Variants in SLCO3A1 observed in about 807,000 individuals in gnomAD.
SLCO3A1 encodes the protein solute carrier organic anion transporter family member 3A1, also known as PGE1 transporter.
In SLCO3A1, 27 loss-of-function variants were observed where a neutral mutation model predicts 63.1. The observed-to-expected ratio is 0.43, with a 90% CI of 0.32 to 0.59. SLCO3A1 has a LOEUF of 0.59. Among genes scored for constraint, SLCO3A1 ranks in the 20% least tolerant of loss-of-function variants. SLCO3A1 has a pLI of 0.09. For missense variants in SLCO3A1, 773 were observed against 945.8 expected (o/e 0.82, Z 2.40); for synonymous variants, 473 against 409.9 (o/e 1.15, Z -1.86).
At chr15:92,077,983 A>G (rs137865830) in intron 2 of SLCO3A1, among the ~76,000 whole-genome samples, 1 of 152,024 alleles carries the variant, frequency 6.6e-6, no homozygotes, top group African/African-American at 2.4e-5. Context: ...TTATAAACTG[A>G]TGGTGAAGAC....
At chr15:92,002,308 G>A (rs1395297406) in intron 2 of SLCO3A1, among the ~76,000 whole-genome samples, 1 of 152,102 alleles carries the variant, frequency 6.6e-6, no homozygotes, top group Non-Finnish European at 1.5e-5. Context: ...ACAGTCCTTG[G>A]CCTGAGAGAG....
chr15:91,916,478 T>C lies in SLCO3A1; in HGVS notation c.646+20T>C. 1.9e-6 allele frequency: 3 copies of C among 1,549,432 alleles called. No individual in the cohort carries two copies. The highest frequency in any genetic ancestry group is 2.6e-6 in the Non-Finnish European group (3 of 1,141,742). ...ATATAGGTAGGAGCTGCCCCAGCCG[T>C]ATTAGCAAGAGACCAGGGTGTGTTG... On this transcript the variant is annotated intron_variant, in intron 2 of 9. Coordinates refer to ENST00000318445, the MANE Select transcript of SLCO3A1 (RefSeq NM_013272.4). This position sits in a 1 kb window ranked among gnomAD's most constrained non-coding sequence, Gnocchi z 6.2.
intron 1 of SLCO3A1, among the ~76,000 whole-genome samples, chr15:91,868,472 T>C (rs1260148447): frequency 6.7e-6 from 1 of 149,114 alleles, no homozygotes; most frequent in South Asian, 2.1e-4. Context: ...TAAAAAAAAA[T>C]CCATAATTCA....
At chr15:92,007,534 C>T (rs140112506) in intron 2 of SLCO3A1, among the ~76,000 whole-genome samples, 77 of 152,220 alleles carry the variant, frequency 5.1e-4, no homozygotes, top group African/African-American at 1.8e-3. Context: ...AGGCTTGCCT[C>T]ATGGTGAGTG....
intron 1 of SLCO3A1, among the ~76,000 whole-genome samples, chr15:91,915,485 A>AT (rs1357397150): frequency 3.9e-5 from 6 of 152,220 alleles, no homozygotes. Flanking sequence ...TAGCTTGTGC[A>AT]TTTTGCCACT....
intron 2 of SLCO3A1, among the ~76,000 whole-genome samples, chr15:92,027,220 G>A (rs12915872): frequency 0.42 from 63,699 of 152,002 alleles, 13,964 homozygotes; most frequent in East Asian, 0.58. Flanking sequence ...TGATAGGGTC[G>A]GTATTGTGAC....
At position 92,163,462 on chromosome 15, in the gene SLCO3A1, G is replaced by T. The variant is rs561516602; in HGVS notation, c.*327G>T. ...GGCACTGCCAAATTCAGGGAACAGTGGTGGCCAGCTTGGAGGATGGACATT... is the reference window on the plus strand; with the variant it reads ...GGCACTGCCAAATTCAGGGAACAGTTGTGGCCAGCTTGGAGGATGGACATT... On this transcript the variant is annotated 3_prime_UTR_variant, in exon 10 of 10. Transcript: ENST00000318445. 4.6e-5 allele frequency: 48 copies of T among 1,041,834 alleles called. No homozygotes were observed. In the African/African-American group the frequency reaches 7.7e-4, roughly 17 times the overall value. The allele number at this position is 1,041,834 out of a possible 1,614,324, so 64.5% of individuals were successfully genotyped here.
At chr15:92,043,484 T>A (rs2046823227) in intron 2 of SLCO3A1, among the ~76,000 whole-genome samples, 1 of 152,192 alleles carries the variant, frequency 6.6e-6, no homozygotes, top group Non-Finnish European at 1.5e-5. Context: ...GAACGTCAGT[T>A]CCACTGTGTG....
chr15:91,916,536 AT>A lies in SLCO3A1; in HGVS notation c.646+82del. 1.8e-6 allele frequency: 2 copies of A among 1,120,838 alleles called. No homozygotes were observed. The highest frequency in any genetic ancestry group is 2.5e-6 in the Non-Finnish European group (2 of 788,676). The allele number at this position is 1,120,838 out of a possible 1,614,324, so 69.4% of individuals were successfully genotyped here. On this transcript the variant is annotated intron_variant, in intron 2 of 9. Transcript: ENST00000318445. The surrounding 1 kb of genome is among the most constrained non-coding windows in gnomAD (Gnocchi z 6.2). ...ATAAAAGGTGGCCTGGTGGACTTTG[AT>A]TTTGCCAGAGTACTGGTTCTCAGAC...
intron 2 of SLCO3A1, among the ~76,000 whole-genome samples, chr15:92,073,244 A>G (rs2047237766): frequency 6.6e-6 from 1 of 152,194 alleles, no homozygotes. Context: ...TACAGTGTTG[A>G]CATAGAGTCT....
At position 91,860,660 on chromosome 15, in the gene SLCO3A1, G is replaced by T. The variant is rs1350805956; in HGVS notation, c.180+6572G>T. 6.6e-6 allele frequency among the ~76,000 whole-genome samples: 1 copy of T among 152,218 alleles called. No individual in the cohort carries two copies. On this transcript the variant is annotated intron_variant, in intron 1 of 9. Coordinates refer to ENST00000318445, the MANE Select transcript of SLCO3A1 (RefSeq NM_013272.4). This position sits in a 1 kb window ranked among gnomAD's most constrained non-coding sequence, Gnocchi z 5.5. ...CAATTCAAGGGAGCCCGAGGTGTCA[G>T]GAGGGCGAGGACAAAGGGACATATG...
At chr15:92,121,219 G>T (rs2047859395) in intron 5 of SLCO3A1, among the ~76,000 whole-genome samples, 1 of 152,226 alleles carries the variant, frequency 6.6e-6, no homozygotes, top group African/African-American at 2.4e-5. Flanking sequence ...TGTTGCTCAG[G>T]CAGGGTAAGG....
intron 2 of SLCO3A1, among the ~76,000 whole-genome samples, chr15:91,986,940 C>T (rs1303765453): frequency 5.9e-5 from 9 of 152,142 alleles, no homozygotes; most frequent in Non-Finnish European, 1.0e-4. Flanking sequence ...TAGCTGTCAG[C>T]GGTCAAGAGA....
intron 9 of SLCO3A1, among the ~76,000 whole-genome samples, chr15:92,158,665 A>T (rs899163489): frequency 6.6e-6 from 1 of 152,176 alleles, no homozygotes; most frequent in East Asian, 1.9e-4. Context: ...CGAACATATA[A>T]GGATGTGGGG....
chr15:92,049,822 G>A (rs1183074256), intron 2 of SLCO3A1, among the ~76,000 whole-genome samples: 1 of 152,146 alleles, frequency 6.6e-6, no homozygotes, highest in East Asian at 1.9e-4. Flanking sequence ...ATTGTTTAAG[G>A]CCCAGCTAGG....
intron 2 of SLCO3A1, among the ~76,000 whole-genome samples, chr15:91,938,591 C>T (rs373456163): frequency 4.6e-5 from 7 of 151,156 alleles, no homozygotes; most frequent in African/African-American, 1.7e-4. Flanking sequence ...ATGCTTTACA[C>T]GTATTTGCTG....
At chr15:91,944,569 G>A (rs563222961) in intron 2 of SLCO3A1, among the ~76,000 whole-genome samples, 3 of 152,038 alleles carry the variant, frequency 2.0e-5, no homozygotes, top group East Asian at 1.9e-4. Flanking sequence ...CTGTCACCCC[G>A]CTCAGCCATG....
intron 2 of SLCO3A1, among the ~76,000 whole-genome samples, chr15:91,998,576 A>G (rs927621046): frequency 1.3e-5 from 2 of 152,232 alleles, no homozygotes; most frequent in African/African-American, 2.4e-5. Flanking sequence ...AATGCAAATC[A>G]GAACCACAAC....
At chr15:91,877,035 CACAGAA>C (rs1597080289) in intron 1 of SLCO3A1, among the ~76,000 whole-genome samples, 1 of 152,244 alleles carries the variant, frequency 6.6e-6, no homozygotes, top group East Asian at 1.9e-4. Context: ...TCTGCATTTT[CACAGAA>C]ACAGAACACT....
Sources: allele counts gnomAD v4.1 joint callset (sites outside exome capture counted in the v4.1 genomes callset), GRCh38; gene constraint gnomAD v4.1.1; non-coding constraint Gnocchi (gnomAD v3.1); transcripts MANE v1.5; gene names NCBI Gene and HGNC (gene_info 2026-07-23, HGNC 2026-07-21).